CTU2: variants seen among roughly 807,000 people sequenced by gnomAD.
CTU2 encodes the protein cytoplasmic tRNA 2-thiolation protein 2.
In CTU2, 80 loss-of-function variants were observed where a neutral mutation model predicts 64.1. That is an observed-to-expected ratio of 1.25 (90% confidence interval 1.04 to 1.50). The LOEUF (loss-of-function observed/expected upper bound fraction) is 1.50. CTU2 is among the 40% of genes most tolerant of loss of function. The probability of loss-of-function intolerance (pLI) is 0.00; values close to 1 mark genes in which losing one functional copy is unlikely to be tolerated. For synonymous variants in CTU2, 482 were observed against 285.3 expected (o/e 1.69, Z -6.95); for missense variants, 1,110 against 690.2 (o/e 1.61, Z -6.81).
At chr16:88,707,766 C>G (rs965143699) in intron 2 of CTU2, among the ~76,000 whole-genome samples, 5 of 151,630 alleles carry the variant, frequency 3.3e-5, no homozygotes, top group African/African-American at 9.7e-5. Flanking sequence ...CCTTTTAGCC[C>G]TCTTAATTCC....
In CTU2 at chr16:88,714,909, G is replaced by T; in HGVS notation, c.1402G>T (p.Val468Leu). Residue 468 changes from valine (V) to leucine (L), a missense_variant, in exon 13 of 15, where the codon GTG becomes TTG. Transcript: ENST00000453996. ...GGAGCAGCTGTGCTACAGCTGCCGC[G>T]TGAACATGAAGGACTTGGTGAGTAC... ...IEEQLCYSCR[V>L]NMKDLPSLDP... 6.2e-7 allele frequency: 1 copy of T among 1,612,658 alleles called. No individual in the cohort carries two copies. Among genetic ancestry groups the T allele is most frequent in the Non-Finnish European group, 8.5e-7 (1 of 1,179,898 alleles).
chr16:88,707,929 G>C (rs180811756), intron 2 of CTU2, among the ~76,000 whole-genome samples: 1 of 152,170 alleles, frequency 6.6e-6, no homozygotes, highest in African/African-American at 2.4e-5. Context: ...TCCTGCCTCA[G>C]CCTCCTGAGT....
In CTU2 at chr16:88,713,038, G is replaced by A. The variant is rs62049778; in HGVS notation, c.737+133G>A. On this transcript the variant is annotated intron_variant, in intron 7 of 14. Transcript: ENST00000453996. Reference sequence around the variant, plus strand: ...TCCCCGGGCCCTGACCCCCACTCATGCCCCTGAGAGCCCCCCTTCCCCGGG... The same window carrying A: ...TCCCCGGGCCCTGACCCCCACTCATACCCCTGAGAGCCCCCCTTCCCCGGG... 715 of 170,960 alleles carry A rather than the reference G, an allele frequency of 4.2e-3. 2 individuals carry two copies. The highest frequency in any genetic ancestry group is 0.016 in the East Asian group (97 of 6,206). The allele number at this position is 170,960 out of a possible 1,614,324, so 10.6% of individuals were successfully genotyped here.
rs4782321 is a variant in CTU2, at chr16:88,713,767, G to T, written c.994G>T (p.Val332Phe). Residue 332 changes from valine to phenylalanine, a missense_variant, in exon 9 of 15, where the codon GTC becomes TTC. Transcript: ENST00000453996. Reference sequence around the variant, plus strand: ...CGTTCCTTCTGTCTTCACACCAGCCGTCGACACCAAGGTGGGCCTTGTGGG... The same window carrying T: ...CGTTCCTTCTGTCTTCACACCAGCCTTCGACACCAAGGTGGGCCTTGTGGG... The part of the protein sequence containing the change: ...FSVPSVFTPA[V>F]DTKAPEKASI... 5.0e-6 allele frequency: 8 copies of T among 1,612,516 alleles called. No individual in the cohort carries two copies. In the East Asian group the frequency reaches 1.3e-4, roughly 27 times the overall value.
rs779511023 is a variant in CTU2 at position 88,712,373 on chromosome 16, C to T, written c.443C>T (p.Ala148Val). ...QATGFPWHVV[A>V]LEEVFSLPPS... The stretch of plus-strand genomic sequence containing the variant: ...ACTGGGTTCCCATGGCATGTGGTGG[C>T]CTTAGAGGAGGTGGGAGGGCTGTCC... Residue 148 changes from alanine (A) to valine (V), a missense_variant, in exon 6 of 15, where the codon GCC becomes GTC. By Grantham distance (64) the Ala-to-Val change is moderately conservative (BLOSUM62 0). Coordinates refer to ENST00000453996, the MANE Select transcript of CTU2 (RefSeq NM_001012759.3). The T allele has an allele frequency of 1.9e-6, 3 of 1,605,086 alleles. No homozygotes were observed. Among genetic ancestry groups the T allele is most frequent in the Admixed American group, 1.7e-5 (1 of 59,090 alleles).
At position 88,715,310 on chromosome 16, in the gene CTU2, G is replaced by A. The variant is rs1911893580; in HGVS notation, c.*59G>A. 1 of 1,563,024 alleles carries A rather than the reference G, an allele frequency of 6.4e-7. No individual in the cohort carries two copies. The highest frequency in any genetic ancestry group is 8.7e-7 in the Non-Finnish European group (1 of 1,148,700). ...TGGCCACCTGGTACACCACACTGGA[G>A]CCGGAAGGCAAGGACGGGGGACTGG... On this transcript the variant is annotated 3_prime_UTR_variant, in exon 15 of 15. Coordinates refer to ENST00000453996, the MANE Select transcript of CTU2 (RefSeq NM_001012759.3).
chr16:88,713,435 G>T lies in CTU2; in HGVS notation c.861G>T (p.Leu287=). 6.3e-7 allele frequency: 1 copy of T among 1,582,692 alleles called. No homozygotes were observed. The change falls in exon 8 of 15, where the codon CTG becomes CTT. Residue 287 remains leucine, a synonymous_variant. Transcript: ENST00000453996. ...TNLALGRGAF[L]AWDTGFSDER... ...TGGCGCTGGGTCGAGGGGCCTTCCT[G>T]GCCTGGGATACGGTAGGCAGGGGCC...
At chr16:88,710,063 A>T in intron 3 of CTU2, 47 bp downstream of exon 3, 3 of 1,603,562 alleles carry the variant, frequency 1.9e-6, no homozygotes, top group Non-Finnish European at 2.6e-6. Flanking sequence ...TGGCCCCTCG[A>T]GGTCCCTGCT....
Position 88,712,899 on chromosome 16 carries a change from C to A in CTU2, c.731C>A (p.Thr244Asn). The A allele has an allele frequency of 6.6e-7, 1 of 1,517,656 alleles. No individual in the cohort carries two copies. 94.0% of individuals were successfully genotyped at this position (1,517,656 alleles called of 1,614,324 possible). ...TLTAKEELLQ[T>N]LRTHLILHMA... ...ACTGCCAAGGAGGAGCTTCTGCAGA[C>A]CCTGCGGTGAGGCCCCGAGAGCCCC... Residue 244 changes from threonine to asparagine, a missense_variant, in exon 7 of 15, where the codon ACC becomes AAC. By Grantham distance (65) the Thr-to-Asn change is moderately conservative. Coordinates refer to ENST00000453996, the MANE Select transcript of CTU2 (RefSeq NM_001012759.3).
intron 1 of CTU2, 147 bp from the exon 2 acceptor site, chr16:88,706,989 A>C (rs1197539441): frequency 2.7e-6 from 2 of 745,016 alleles, no homozygotes; most frequent in Non-Finnish European, 4.6e-6. Context: ...GTTTGGACAG[A>C]ACACAAGCCT....
rs201955703 is a variant in CTU2 at position 88,714,583 on chromosome 16, G to A, written c.1202-4G>A. On this transcript the variant is annotated splice_region_variant and splice_polypyrimidine_tract_variant and intron_variant, in intron 11 of 14. Coordinates refer to ENST00000453996, the MANE Select transcript of CTU2 (RefSeq NM_001012759.3). ...AGGCTCCGTCACCCCCTCTCTGCTT[G>A]CAGACAGTGCCACGGCTTTTGGGGC... 1.6e-5 allele frequency: 26 copies of A among 1,612,528 alleles called. No individual in the cohort carries two copies. The highest frequency in any genetic ancestry group is 3.3e-5 in the South Asian group (3 of 91,096).
chr16:88,706,673 CG>C (rs1045092943), intron 1 of CTU2, 75 bp downstream of exon 1: 2 of 1,142,340 alleles, frequency 1.8e-6, no homozygotes, highest in African/African-American at 3.3e-5. Context: ...GGGTCCCGGC[CG>C]GGCTTGCTCC....
Position 88,713,637 on chromosome 16 carries a change from C to CCT in CTU2, c.874-8_874-7dup. The CCT allele has an allele frequency of 6.2e-7, 1 of 1,610,384 alleles. No homozygotes were observed. Among genetic ancestry groups the CCT allele is most frequent in the African/African-American group, 1.3e-5 (1 of 75,014 alleles). ...CTTGACCTGGACCACACAGCCCCTG[C>CCT]CTCCCGCAGGGCTTCTCGGATGAGC... On this transcript the variant is annotated splice_polypyrimidine_tract_variant and intron_variant, in intron 8 of 14. Transcript: ENST00000453996.
In CTU2 at chr16:88,714,227, G is replaced by GGTAT. The variant is rs1555551064; in HGVS notation, c.1097+2_1097+3insATGT. 237 of 418,668 alleles carry GGTAT rather than the reference G, an allele frequency of 5.7e-4. 1 individual carries two copies. The Admixed American group carries it at 0.012, about 22-fold the overall frequency. The allele number at this position is 418,668 out of a possible 1,614,324, so 25.9% of individuals were successfully genotyped here. On this transcript the variant is annotated frameshift_variant and splice_region_variant. Coordinates refer to ENST00000453996, the MANE Select transcript of CTU2 (RefSeq NM_001012759.3). LOFTEE classifies it high-confidence loss of function. ...CCCTCCACTGTCAGCACTGTGTACAGGTGTGGGTGTGTGTGGGTGTGTGCG... is the reference window on the plus strand; with the variant it reads ...CCCTCCACTGTCAGCACTGTGTACAGGTATGTGTGGGTGTGTGTGGGTGTGTGCG...
intron 1 of CTU2, 83 bp from the exon 2 acceptor site, chr16:88,707,053 C>G (rs1001375714): frequency 1.4e-6 from 2 of 1,394,100 alleles, no homozygotes; most frequent in African/African-American, 1.4e-5. Flanking sequence ...GGGTGAGAAA[C>G]AGGAGCTGTC....
intron 14 of CTU2, 27 bp downstream of exon 14, chr16:88,715,133 C>A (rs751260078): frequency 2.5e-6 from 4 of 1,604,752 alleles, no homozygotes; most frequent in Non-Finnish European, 3.4e-6. Flanking sequence ...TGCCGTGGCG[C>A]GTGGGTAAGG....
rs751383311 is a variant in CTU2, at chr16:88,714,842, C to G, written c.1353-18C>G. On this transcript the variant is annotated intron_variant, in intron 12 of 14. Transcript: ENST00000453996. Reference sequence around the variant, plus strand: ...TTGAGGTGCCAAGGTGGGCACACAGCCAGCTCTGCTCCCGCAGGGAGGACC... The same window carrying G: ...TTGAGGTGCCAAGGTGGGCACACAGGCAGCTCTGCTCCCGCAGGGAGGACC... 6 of 1,612,452 alleles carry G rather than the reference C, an allele frequency of 3.7e-6. No individual in the cohort carries two copies. The highest frequency in any genetic ancestry group is 2.2e-5 in the East Asian group (1 of 44,876).
intron 3 of CTU2, 80 bp from the exon 4 acceptor site, chr16:88,710,143 G>A (rs576352261): frequency 1.3e-5 from 21 of 1,577,820 alleles, no homozygotes; most frequent in East Asian, 9.0e-5. Flanking sequence ...GGACAGACTC[G>A]ATGTCCTAGA....
Position 88,707,193 on chromosome 16 carries a change from C to T in CTU2, c.126C>T (p.Ala42=), listed in dbSNP as rs947004151. 8.7e-6 allele frequency: 14 copies of T among 1,613,812 alleles called. No homozygotes were observed. Among genetic ancestry groups the T allele is most frequent in the African/African-American group, 1.3e-5 (1 of 74,934 alleles). The change falls in exon 2 of 15, where the codon GCC becomes GCT. Residue 42 remains alanine, a synonymous_variant. Transcript: ENST00000453996. ...KEAQPVVVIR[A]GDAFCRDCFK... is the part of the protein sequence containing the mutation. ...CGCAGCCCGTTGTGGTGATACGAGCCGGAGATGCCTTCTGCAGGTGAGGCC... is the reference window on the plus strand; with the variant it reads ...CGCAGCCCGTTGTGGTGATACGAGCTGGAGATGCCTTCTGCAGGTGAGGCC...
Sources: gnomAD v4.1 joint callset for allele counts (sites outside exome capture counted in the v4.1 genomes callset) on GRCh38, gnomAD v4.1.1 for gene constraint, MANE v1.5 for transcripts, NCBI Gene and HGNC (gene_info 2026-07-23, HGNC 2026-07-21) for gene names.